The following SULT2A1 variants were observed in gnomAD, a reference collection of about 807,000 sequenced individuals.
SULT2A1 encodes the protein sulfotransferase 2A1.
In SULT2A1, 43 loss-of-function variants were observed where a neutral mutation model predicts 33.9. That is an observed-to-expected ratio of 1.27 (90% CI 1.00 to 1.64). The LOEUF (loss-of-function observed/expected upper bound fraction) is 1.64. Ranked by LOEUF, SULT2A1 falls within the 40% of genes most tolerant of loss-of-function variation. SULT2A1 has a pLI of 0.00. For synonymous variants in SULT2A1, 125 were observed against 113.6 expected (o/e 1.10, Z -0.64); for missense variants, 300 against 335.1 (o/e 0.90, Z 0.82).
intron 1 of SULT2A1, among the ~76,000 whole-genome samples, chr19:47,885,474 G>A (rs1273252045): frequency 1.3e-5 from 2 of 152,124 alleles, no homozygotes; most frequent in African/African-American, 4.8e-5. Context: ...ACCACATTTT[G>A]TTTATTCACT....
rs1404542084 is a variant in SULT2A1, at chr19:47,871,030, G to C, written c.*425C>G. ...GGCTAATTTTTGTATTTTTAGTAGA[G>C]ATAGGGTTTCATCATGTTGGCCAGG... is the stretch of plus-strand genomic sequence containing the variant. On this transcript the variant is annotated 3_prime_UTR_variant, in exon 6 of 6. Transcript: ENST00000222002. The C allele has an allele frequency of 6.5e-6, 1 of 154,918 alleles. No homozygotes were observed. Among genetic ancestry groups the C allele is most frequent in the Non-Finnish European group, 1.4e-5 (1 of 70,186 alleles). 9.6% of individuals were successfully genotyped at this position (154,918 alleles called of 1,614,324 possible).
chr19:47,883,925 G>A lies in SULT2A1; in HGVS notation c.137-140C>T, dbSNP rs372083200. On this transcript the variant is annotated intron_variant, in intron 1 of 5. Coordinates refer to ENST00000222002, the MANE Select transcript of SULT2A1 (RefSeq NM_003167.4). ...GTTCCAGAATAGCCTGGCCAAGATGGTGAAACCCCGTCTCTACTAAAAATA... is the reference window on the plus strand; with the variant it reads ...GTTCCAGAATAGCCTGGCCAAGATGATGAAACCCCGTCTCTACTAAAAATA... The A allele has an allele frequency of 1.2e-3, 898 of 724,004 alleles. 3 individuals carry two copies. The Middle Eastern group carries it at 0.019, about 15-fold the overall frequency. The allele number at this position is 724,004 out of a possible 1,614,324, so 44.8% of individuals were successfully genotyped here. A position where few individuals can be genotyped will look rare whatever the true frequency, so the allele number is the denominator to read the frequency against.
At chr19:47,885,808 A>G (rs1188664409) in intron 1 of SULT2A1, among the ~76,000 whole-genome samples, 1 of 151,892 alleles carries the variant, frequency 6.6e-6, no homozygotes, top group African/African-American at 2.4e-5. Context: ...TTTAAATGCT[A>G]TTTCTTCTTT....
chr19:47,871,525 G>C lies in SULT2A1; in HGVS notation c.788C>G (p.Ala263Gly), dbSNP rs764311389. 1.2e-6 allele frequency: 2 copies of C among 1,614,030 alleles called. No homozygotes were observed. Among genetic ancestry groups the C allele is most frequent in the Non-Finnish European group, 1.7e-6 (2 of 1,180,016 alleles). ...DWKNHFTVAQAEDFDKLFQEK... is the reference protein window; with the variant it reads ...DWKNHFTVAQGEDFDKLFQEK... ...TTGGAACAATTTATCAAAGTCTTCA[G>C]CTTGGGCCACTGTGAAGTGATTTTT... The change falls in exon 6 of 6, where the codon GCT becomes GGT. Residue 263 changes from alanine to glycine, a missense_variant. Physicochemically the swap from Ala to Gly is moderately conservative, Grantham distance 60. Coordinates refer to ENST00000222002, the MANE Select transcript of SULT2A1 (RefSeq NM_003167.4).
At chr19:47,874,904 G>A (rs1433587168) in intron 4 of SULT2A1, 70 bp from the exon 5 acceptor site, 11 of 1,385,194 alleles carry the variant, frequency 7.9e-6, no homozygotes, top group Non-Finnish European at 1.1e-5. Context: ...GTTCACGCCT[G>A]TAATCCCAGC....
At chr19:47,879,585 A>C (rs1362422370) in intron 3 of SULT2A1, among the ~76,000 whole-genome samples, 2 of 152,086 alleles carry the variant, frequency 1.3e-5, no homozygotes, top group Non-Finnish European at 2.9e-5. Context: ...TACACCATGG[A>C]ATACAATGCA....
Position 47,874,811 on chromosome 19 carries a change from C to T in SULT2A1, c.591G>A (p.Lys197=). ...ACGTCTTTCCCAGGAATTGACAGAT[C>T]TTCTCTATGGTTCTTCCTGTGTCCT... is the stretch of plus-strand genomic sequence containing the variant. ...LKQDTGRTIE[K]ICQFLGKTLE... is the part of the protein sequence containing the mutation. Residue 197 remains lysine, a synonymous_variant, in exon 5 of 6, where the codon AAG becomes AAA. Transcript: ENST00000222002. 1 of 1,613,992 alleles carries T rather than the reference C, an allele frequency of 6.2e-7. No homozygotes were observed. The highest frequency in any genetic ancestry group is 8.5e-7 in the Non-Finnish European group (1 of 1,179,980).
chr19:47,875,996 G>T (rs1968540266), intron 4 of SULT2A1, among the ~76,000 whole-genome samples: 1 of 151,990 alleles, frequency 6.6e-6, no homozygotes, highest in Non-Finnish European at 1.5e-5. Context: ...GAGATTAATA[G>T]ATTTTTATTT....
At chr19:47,883,520 G>C in intron 2 of SULT2A1, 57 bp downstream of exon 2, 1 of 1,520,072 alleles carries the variant, frequency 6.6e-7, no homozygotes, top group Non-Finnish European at 9.1e-7. Context: ...ATGACTTATA[G>C]GCATATCAGT....
rs569948741 is a variant in SULT2A1, at chr19:47,880,409, C to T, written c.473-1279G>A. 1.4e-3 allele frequency among the ~76,000 whole-genome samples: 205 copies of T among 151,786 alleles called. 1 individual carries two copies. The Middle Eastern group carries it at 0.014, about 10-fold the overall frequency. ...CGTGGGGATTATGGGGATTACAATT[C>T]GAGATGAGATTTGGGTGGGGACACA... On this transcript the variant is annotated intron_variant, in intron 3 of 5. Transcript: ENST00000222002.
At chr19:47,878,842 G>T (rs34468125) in intron 4 of SULT2A1, among the ~76,000 whole-genome samples, 194 bp downstream of exon 4, 38,611 of 151,866 alleles carry the variant, frequency 0.25, 5,025 homozygotes, top group South Asian at 0.27. Context: ...AATAAGGAGC[G>T]TGAAGCTTGG....
chr19:47,871,981 G>T (rs1297239016), intron 5 of SULT2A1, among the ~76,000 whole-genome samples: 1 of 151,520 alleles, frequency 6.6e-6, no homozygotes, highest in Non-Finnish European at 1.5e-5. Flanking sequence ...GCAGTAGCGC[G>T]ATCTTGGCTC....
intron 3 of SULT2A1, 77 bp from the exon 4 acceptor site, chr19:47,879,207 C>T: frequency 1.2e-6 from 1 of 862,394 alleles, no homozygotes; most frequent in Non-Finnish European, 2.0e-6. Context: ...GTTCATCCCC[C>T]CACCGGCTTG....
Position 47,886,145 on chromosome 19 carries a change from A to G in SULT2A1, c.113T>C (p.Ile38Thr). Residue 38 changes from isoleucine (I) to threonine (T), a missense_variant, in exon 1 of 6, where the codon ATA becomes ACA. By Grantham distance (89) the Ile-to-Thr change is moderately conservative (BLOSUM62 -1). Transcript: ENST00000222002. The stretch of plus-strand genomic sequence containing the variant: ...ACCTGATTTGGGGTAAGTCAATATT[A>G]TTACATCTTCATCCCTTATCACGAA... ...DEFVIRDEDV[I>T]ILTYPKSGTN... The G allele has an allele frequency of 6.2e-7, 1 of 1,614,040 alleles. No individual in the cohort carries two copies. The highest frequency in any genetic ancestry group is 8.5e-7 in the Non-Finnish European group (1 of 1,179,984).
intron 5 of SULT2A1, among the ~76,000 whole-genome samples, chr19:47,874,309 G>A (rs1454681782): frequency 6.6e-6 from 1 of 152,090 alleles, no homozygotes; most frequent in African/African-American, 2.4e-5. Flanking sequence ...GGGAGGCCGA[G>A]GTGGGCGGAT....
rs1352299870 is a variant in SULT2A1 at position 47,878,963 on chromosome 19, G to T, written c.567+73C>A. The T allele has an allele frequency of 1.4e-5, 13 of 955,644 alleles. No individual in the cohort carries two copies. The African/African-American group carries it at 1.6e-4, about 12-fold the overall frequency. The allele number at this position is 955,644 out of a possible 1,614,324, so 59.2% of individuals were successfully genotyped here. On this transcript the variant is annotated intron_variant, in intron 4 of 5. Coordinates refer to ENST00000222002, the MANE Select transcript of SULT2A1 (RefSeq NM_003167.4). ...AGAGGGTGGAATGAAGACACAGCGG[G>T]ATGGAGGGAATTTAAGGAAAGTAAG...
chr19:47,885,606 A>G (rs532189937), intron 1 of SULT2A1, among the ~76,000 whole-genome samples: 1 of 152,028 alleles, frequency 6.6e-6, no homozygotes, highest in Non-Finnish European at 1.5e-5. Flanking sequence ...TTCAGCCTCA[A>G]TCCTCACCGC....
chr19:47,881,100 A>T (rs1192985257), intron 3 of SULT2A1, among the ~76,000 whole-genome samples: 1 of 151,994 alleles, frequency 6.6e-6, no homozygotes, highest in Non-Finnish European at 1.5e-5. Context: ...CAGTGGCGTG[A>T]TCTTGGCTCA....
At chr19:47,874,624 G>A in intron 5 of SULT2A1, 33 bp downstream of exon 5, 1 of 1,590,356 alleles carries the variant, frequency 6.3e-7, no homozygotes, top group South Asian at 1.1e-5. Flanking sequence ...CGTGTATTCT[G>A]GTATATTTGG....
Sources: allele counts gnomAD v4.1 joint callset (sites outside exome capture counted in the v4.1 genomes callset), GRCh38; gene constraint gnomAD v4.1.1; transcripts MANE v1.5; gene names NCBI Gene and HGNC (gene_info 2026-07-23, HGNC 2026-07-21).